Variants in LAMP2 observed in about 807,000 individuals in gnomAD.
LAMP2 encodes the protein lysosome associated membrane protein 2, also known as lysosome-associated membrane glycoprotein 2.
LAMP2 carries 4 observed loss-of-function variants against 25.6 expected under a neutral mutation model. The ratio of observed to expected loss-of-function variants is 0.16; its 90% confidence interval spans 0.08 to 0.36. LAMP2 has a LOEUF of 0.36. Among genes scored for constraint, LAMP2 ranks in the 10% least tolerant of loss-of-function variants. LAMP2 has a pLI of 1.00. For synonymous variants in LAMP2, 108 were observed against 112.7 expected, an observed-to-expected ratio of 0.96 and a Z score of 0.27; for missense variants, 272 against 301.4, an observed-to-expected ratio of 0.90 and a Z score of 0.72.
At chrX:120,457,974 G>T (rs769370524) in intron 1 of LAMP2, among the ~76,000 whole-genome samples, 308 of 112,375 alleles carry the variant, frequency 2.7e-3, no homozygotes, top group Middle Eastern at 4.6e-3. Context: ...AGACCTGGCT[G>T]CTTTGCAAGC....
In LAMP2 at chrX:120,429,017, A is replaced by G; in HGVS notation, c.*2306T>C. 5 of 626,988 alleles carry G rather than the reference A, an allele frequency of 8.0e-6. No individual in the cohort carries two copies. Among genetic ancestry groups the G allele is most frequent in the Non-Finnish European group, 9.5e-6 (5 of 524,678 alleles). The allele number at this position is 626,988 out of a possible 1,213,427, so 51.7% of individuals were successfully genotyped here. A position where few individuals can be genotyped will look rare whatever the true frequency, so the allele number is the denominator to read the frequency against. ...ATTAAAGTATAAATAAGAATTCTGT[A>G]TAAGTAATAAAATTTAAGTTAAAAA... On this transcript the variant is annotated 3_prime_UTR_variant, in exon 9 of 9. Coordinates refer to ENST00000200639, the MANE Select transcript of LAMP2 (RefSeq NM_002294.3).
chrX:120,430,733 G>T lies in LAMP2; in HGVS notation c.*590C>A, dbSNP rs1038903198. 6.6e-5 allele frequency: 50 copies of T among 753,358 alleles called. No individual in the cohort carries two copies. In the African/African-American group the frequency reaches 1.1e-3, roughly 17 times the overall value. The allele number at this position is 753,358 out of a possible 1,213,427, so 62.1% of individuals were successfully genotyped here. A position where few individuals can be genotyped will look rare whatever the true frequency, so the allele number is the denominator to read the frequency against. On this transcript the variant is annotated 3_prime_UTR_variant, in exon 9 of 9. Transcript: ENST00000200639. ...GAGGTACTAACTTCATGCTTAACTT[G>T]AACTCAGAGAAATCAGCAAAAGTCA...
At chrX:120,454,505 A>G (rs939314060) in intron 3 of LAMP2, among the ~76,000 whole-genome samples, 1 of 110,478 alleles carries the variant, frequency 9.1e-6, no homozygotes, top group Admixed American at 9.7e-5. Context: ...AGTCCCAGCT[A>G]TTCAGGAGGC....
At position 120,430,562 on chromosome X, in the gene LAMP2, A is replaced by G. The variant is rs1304698805; in HGVS notation, c.*761T>C. On this transcript the variant is annotated 3_prime_UTR_variant, in exon 9 of 9. Transcript: ENST00000200639. ...AGAAGAACAAAACAAGAAACAAAAA[A>G]GCAAGTGGCTAAATATGCTTGGATC... 4 of 752,620 alleles carry G rather than the reference A, an allele frequency of 5.3e-6. No individual in the cohort carries two copies. The highest frequency in any genetic ancestry group is 6.3e-6 in the Non-Finnish European group (4 of 638,308). The allele number at this position is 752,620 out of a possible 1,213,427, so 62.0% of individuals were successfully genotyped here.
At chrX:120,443,689 C>T (rs893919527) in intron 6 of LAMP2, among the ~76,000 whole-genome samples, 4 of 111,851 alleles carry the variant, frequency 3.6e-5, no homozygotes, top group Non-Finnish European at 7.5e-5. Flanking sequence ...GAAAAGAAGG[C>T]TTGAACTACC....
chrX:120,432,931 A>G (rs2147273981), intron 8 of LAMP2, among the ~76,000 whole-genome samples: 2 of 108,358 alleles, frequency 1.8e-5, no homozygotes, highest in South Asian at 7.9e-4. Context: ...CCCATCTCAA[A>G]AAAAAAAAAA....
chrX:120,438,842 G>A (rs1360452954), intron 8 of LAMP2: 2 of 851,609 alleles, frequency 2.3e-6, no homozygotes, highest in Non-Finnish European at 2.9e-6. Context: ...TCTAAACGGT[G>A]TATTTTTAGT....
Position 120,455,441 on chromosome X carries a change from C to T in LAMP2, c.313G>A (p.Ala105Thr), listed in dbSNP as rs2147286818. 8.3e-7 allele frequency: 1 copy of T among 1,210,484 alleles called. No individual in the cohort carries two copies. The highest frequency in any genetic ancestry group is 1.1e-6 in the Non-Finnish European group (1 of 894,659). Residue 105 changes from alanine to threonine, a missense_variant, in exon 3 of 9, where the codon GCA becomes ACA. By Grantham distance (58) the Ala-to-Thr change is moderately conservative. Transcript: ENST00000200639. ...CTGTCAATTGAATAAGTAGATGCTG[C>T]CTTGGTAAAATTCGCAATCCAGGAA... is the stretch of plus-strand genomic sequence containing the variant. ...GFSWIANFTK[A>T]ASTYSIDSVS... is the part of the protein sequence containing the mutation.
Position 120,429,733 on chromosome X carries a change from T to C in LAMP2, c.*1590A>G. Reference sequence around the variant, plus strand: ...TTTACTGTTGAGTGACTAGATTTCATTAGGGGCAATTTTTATCAAAATGCT... The same window carrying C: ...TTTACTGTTGAGTGACTAGATTTCACTAGGGGCAATTTTTATCAAAATGCT... On this transcript the variant is annotated 3_prime_UTR_variant, in exon 9 of 9. Coordinates refer to ENST00000200639, the MANE Select transcript of LAMP2 (RefSeq NM_002294.3). 1 of 753,970 alleles carries C rather than the reference T, an allele frequency of 1.3e-6. No individual in the cohort carries two copies. Among genetic ancestry groups the C allele is most frequent in the Non-Finnish European group, 1.6e-6 (1 of 639,141 alleles). The allele number at this position is 753,970 out of a possible 1,213,427, so 62.1% of individuals were successfully genotyped here.
chrX:120,429,179 C>G lies in LAMP2; in HGVS notation c.*2144G>C. ...GTGTGTACATATATATATATATACACACACACACAATTATTTTTAGCTGAG... is the reference window on the plus strand; with the variant it reads ...GTGTGTACATATATATATATATACAGACACACACAATTATTTTTAGCTGAG... On this transcript the variant is annotated 3_prime_UTR_variant, in exon 9 of 9. Coordinates refer to ENST00000200639, the MANE Select transcript of LAMP2 (RefSeq NM_002294.3). The G allele has an allele frequency of 2.7e-6, 2 of 738,497 alleles. No individual in the cohort carries two copies. Among genetic ancestry groups the G allele is most frequent in the Non-Finnish European group, 3.2e-6 (2 of 634,224 alleles). 60.9% of individuals were successfully genotyped at this position (738,497 alleles called of 1,213,427 possible). A position where few individuals can be genotyped will look rare whatever the true frequency, so the allele number is the denominator to read the frequency against.
intron 5 of LAMP2, 101 bp downstream of exon 5, chrX:120,447,740 C>T (rs958648204): frequency 1.5e-5 from 11 of 754,476 alleles, no homozygotes; most frequent in South Asian, 4.7e-5. Flanking sequence ...AAAAAGAAAA[C>T]GGAATCATTC....
At chrX:120,459,746 A>T (rs1438031481) in intron 1 of LAMP2, among the ~76,000 whole-genome samples, 1 of 112,127 alleles carries the variant, frequency 8.9e-6, no homozygotes, top group Non-Finnish European at 1.9e-5. Flanking sequence ...CAGCTCAAAT[A>T]ATTTCACAAA....
At chrX:120,440,391 C>A (rs996946258) in intron 8 of LAMP2, among the ~76,000 whole-genome samples, 1 of 111,882 alleles carries the variant, frequency 8.9e-6, no homozygotes, top group Non-Finnish European at 1.9e-5. Flanking sequence ...TGCCTTATTG[C>A]AATTCTATTT....
At chrX:120,436,129 T>TACAC (rs752616648) in intron 8 of LAMP2, among the ~76,000 whole-genome samples, 45 of 89,657 alleles carry the variant, frequency 5.0e-4, no homozygotes, top group African/African-American at 1.2e-3. Flanking sequence ...CAGGGGAGCT[T>TACAC]ACACACACAC....
At position 120,431,439 on chromosome X, in the gene LAMP2, C is replaced by T. The variant is rs727503117; in HGVS notation, c.1117G>A (p.Asp373Asn). ...STAQDCSADD[D>N]NFLVPIAVGA... ...ACCGCTATGGGCACAAGGAAGTTGT[C>T]GTCATCTGCACTGCAGTCTTGAGCT... Residue 373 changes from aspartate (D) to asparagine (N), a missense_variant, in exon 9 of 9, where the codon GAC becomes AAC. Transcript: ENST00000200639. The T allele has an allele frequency of 5.8e-6, 7 of 1,210,125 alleles. No individual in the cohort carries two copies. Among genetic ancestry groups the T allele is most frequent in the Non-Finnish European group, 7.8e-6 (7 of 893,999 alleles).
rs10565432 is a variant in LAMP2, at chrX:120,437,412, CAAAA to C, written c.1093+4314_1093+4317del. The C allele has an allele frequency of 2.5e-5, 17 of 668,637 alleles. No individual in the cohort carries two copies. In the African/African-American group the frequency reaches 3.9e-4, roughly 15 times the overall value. 55.1% of individuals were successfully genotyped at this position (668,637 alleles called of 1,213,427 possible). On this transcript the variant is annotated intron_variant, in intron 8 of 8. Coordinates refer to ENST00000200639, the MANE Select transcript of LAMP2 (RefSeq NM_002294.3). ...GAATGGGAGGCACATAATCCCACCA[CAAAA>C]AAAAAAAAAACACGAAAAAACAACC...
At chrX:120,454,898 GAT>G (rs139348113) in intron 3 of LAMP2, among the ~76,000 whole-genome samples, 20,361 of 87,278 alleles carry the variant, frequency 0.23, 2,120 homozygotes, top group East Asian at 0.42. Flanking sequence ...TATACTAGGA[GAT>G]ATATATATAT....
At position 120,431,221 on chromosome X, in the gene LAMP2, T is replaced by C; in HGVS notation, c.*102A>G. The C allele has an allele frequency of 8.4e-7, 1 of 1,191,923 alleles. No individual in the cohort carries two copies. The stretch of plus-strand genomic sequence containing the variant: ...CTGGGATTGATAAAAGAATTAAAGT[T>C]TCAACATATCAATTTTAAGAAGCAA... On this transcript the variant is annotated 3_prime_UTR_variant, in exon 9 of 9. Coordinates refer to ENST00000200639, the MANE Select transcript of LAMP2 (RefSeq NM_002294.3).
At chrX:120,433,152 C>T (rs1471477257) in intron 8 of LAMP2, among the ~76,000 whole-genome samples, 1 of 110,735 alleles carries the variant, frequency 9.0e-6, no homozygotes, top group African/African-American at 3.3e-5. Context: ...AAGGATGGAA[C>T]GTTTCAATTA....
Sources: allele counts gnomAD v4.1 joint callset (sites outside exome capture counted in the v4.1 genomes callset), GRCh38; gene constraint gnomAD v4.1.1; transcripts MANE v1.5; gene names NCBI Gene and HGNC (gene_info 2026-07-23, HGNC 2026-07-21).